Variants in ECE1 observed in about 807,000 individuals in gnomAD.
The protein encoded by ECE1 is endothelin converting enzyme 1, also known as endothelin-converting enzyme 1.
Under a neutral mutation model 98.6 loss-of-function variants are expected in ECE1, and 35 were observed. The observed-to-expected ratio is 0.35, with a 90% confidence interval of 0.27 to 0.47. ECE1 has a LOEUF of 0.47. Ranked by LOEUF, ECE1 falls within the 20% of genes least tolerant of loss-of-function variation. ECE1 has a pLI of 1.00. For missense variants in ECE1, 814 were observed against 1,025.3 expected, an observed-to-expected ratio of 0.79 and a Z score of 2.81; for synonymous variants, 394 against 407.1, an observed-to-expected ratio of 0.97 and a Z score of 0.39.
intron 4 of ECE1, among the ~76,000 whole-genome samples, chr1:21,272,437 G>A (rs142549331): frequency 8.5e-5 from 13 of 152,246 alleles, no homozygotes; most frequent in East Asian, 3.9e-4. Flanking sequence ...GACTACAGGC[G>A]CACGCCACCA....
chr1:21,285,037 A>G (rs1206838569), intron 2 of ECE1, among the ~76,000 whole-genome samples: 1 of 152,148 alleles, frequency 6.6e-6, no homozygotes, highest in Admixed American at 6.5e-5. Flanking sequence ...TAAAGTTTCC[A>G]TGAGGTGGCC....
At chr1:21,221,919 G>C in intron 17 of ECE1, 77 bp from the exon 18 acceptor site, 1 of 1,306,830 alleles carries the variant, frequency 7.7e-7, no homozygotes, top group Non-Finnish European at 1.1e-6. Flanking sequence ...GAGGTCTCAG[G>C]GAGCTCCCCC....
At chr1:21,251,834 T>A (rs2098213253) in intron 8 of ECE1, among the ~76,000 whole-genome samples, 1 of 152,208 alleles carries the variant, frequency 6.6e-6, no homozygotes. Context: ...CTGTGCCTCT[T>A]ATACCTGCTT....
At chr1:21,251,622 G>A (rs764737871) in intron 8 of ECE1, among the ~76,000 whole-genome samples, 15 of 152,216 alleles carry the variant, frequency 9.9e-5, no homozygotes, top group South Asian at 2.1e-4. Context: ...AGAGATGTGC[G>A]CAGCGGACTT....
chr1:21,335,874 A>C (rs1195317272), intron 1 of ECE1, among the ~76,000 whole-genome samples: 1 of 152,168 alleles, frequency 6.6e-6, no homozygotes, highest in Non-Finnish European at 1.5e-5. Flanking sequence ...AGGACTATGG[A>C]GGGGAAGGGA....
chr1:21,247,448 A>G, intron 8 of ECE1, 85 bp from the exon 9 acceptor site: 1 of 1,602,962 alleles, frequency 6.2e-7, no homozygotes, highest in South Asian at 1.1e-5. Context: ...ACAGGAAGCA[A>G]AGGAAAGAGC....
rs144897102 is a variant in ECE1, at chr1:21,251,248, A to C, written c.1021-3885T>G. Among the ~76,000 whole-genome samples, 698 of 152,262 alleles carry C rather than the reference A, an allele frequency of 4.6e-3. 2 individuals carry two copies. The highest frequency in any genetic ancestry group is 8.0e-3 in the Non-Finnish European group (544 of 68,016). ...ACAACTGCGCCGGGCACGGTGGCTC[A>C]TGCCTGTAAATCCCAGCACTTTGGG... On this transcript the variant is annotated intron_variant, in intron 8 of 18. Coordinates refer to ENST00000374893, the MANE Select transcript of ECE1 (RefSeq NM_001397.3).
chr1:21,261,320 T>C (rs1279530446), intron 4 of ECE1, among the ~76,000 whole-genome samples: 6 of 152,142 alleles, frequency 3.9e-5, no homozygotes, highest in Admixed American at 2.0e-4. Context: ...CCTTCAAAGA[T>C]CCCTCAAACC....
chr1:21,227,872 G>A (rs2098176318), intron 15 of ECE1, 59 bp downstream of exon 15: 1 of 1,362,238 alleles, frequency 7.3e-7, no homozygotes, highest in Admixed American at 2.0e-5. Context: ...TAGGTCGTAT[G>A]GGCCCCAGGG....
rs1573978980 is a variant in ECE1 at position 21,259,153 on chromosome 1, G to A, written c.616-314C>T. On this transcript the variant is annotated intron_variant, in intron 5 of 18. Transcript: ENST00000374893. ...CGGTTTATATTTTGGATAATGAATT[G>A]TGTGAATGTGATTATATCAAAACAT... is the stretch of plus-strand genomic sequence containing the variant. 2.0e-5 allele frequency among the ~76,000 whole-genome samples: 3 copies of A among 152,310 alleles called. No individual in the cohort carries two copies. In the East Asian group the frequency reaches 5.8e-4, roughly 29 times the overall value.
At chr1:21,342,738 G>A (rs997110971) in intron 1 of ECE1, among the ~76,000 whole-genome samples, 2 of 152,124 alleles carry the variant, frequency 1.3e-5, no homozygotes, top group Non-Finnish European at 2.9e-5. Flanking sequence ...TTTAAAAGCC[G>A]CGGAGCAGGA....
chr1:21,296,778 G>A (rs1437796135), intron 1 of ECE1, among the ~76,000 whole-genome samples: 4 of 152,158 alleles, frequency 2.6e-5, no homozygotes, highest in Admixed American at 6.5e-5. Flanking sequence ...CCTCCTACCC[G>A]GGGCCTGGCT....
intron 1 of ECE1, among the ~76,000 whole-genome samples, chr1:21,301,819 CTG>C (rs1638489925): frequency 1.7e-5 from 2 of 119,166 alleles, no homozygotes; most frequent in African/African-American, 6.5e-5. Flanking sequence ...GAGTGAGACC[CTG>C]TCTCAGAAAA....
intron 10 of ECE1, among the ~76,000 whole-genome samples, chr1:21,239,571 T>C (rs1042576297): frequency 6.6e-6 from 1 of 152,162 alleles, no homozygotes; most frequent in South Asian, 2.1e-4. Context: ...TACTGATATA[T>C]ACGACAGCAT....
At chr1:21,300,768 CT>C (rs1228407229) in intron 1 of ECE1, among the ~76,000 whole-genome samples, 1 of 151,990 alleles carries the variant, frequency 6.6e-6, no homozygotes, top group Non-Finnish European at 1.5e-5. Flanking sequence ...TTCTGGTAGA[CT>C]TTTTTTTCTT....
rs1300544203 is a variant in ECE1 at position 21,235,065 on chromosome 1, G to A, written c.1566+785C>T. On this transcript the variant is annotated intron_variant, in intron 13 of 18. Coordinates refer to ENST00000374893, the MANE Select transcript of ECE1 (RefSeq NM_001397.3). The surrounding 1 kb of genome is among the most constrained non-coding windows in gnomAD (Gnocchi z 4.2). ...GCTGGGCATGGTGGCTCATGAATAT[G>A]AGCCAGCCTGGGAGGCGGAGGTTGC... 6.6e-6 allele frequency among the ~76,000 whole-genome samples: 1 copy of A among 152,162 alleles called. No homozygotes were observed. The highest frequency in any genetic ancestry group is 6.5e-5 in the Admixed American group (1 of 15,274).
At chr1:21,314,340 C>T (rs1638789124) in intron 1 of ECE1, among the ~76,000 whole-genome samples, 1 of 152,242 alleles carries the variant, frequency 6.6e-6, no homozygotes, top group Non-Finnish European at 1.5e-5. Context: ...CCTCCCGGGC[C>T]CCCAAATTCC....
chr1:21,337,757 A>C (rs2103418555), intron 1 of ECE1, among the ~76,000 whole-genome samples: 1 of 152,266 alleles, frequency 6.6e-6, no homozygotes, highest in African/African-American at 2.4e-5. Context: ...CATATTAGAG[A>C]CAGGAGAATA....
intron 1 of ECE1, among the ~76,000 whole-genome samples, chr1:21,339,004 G>C (rs1639352692): frequency 6.6e-6 from 1 of 152,138 alleles, no homozygotes; most frequent in Non-Finnish European, 1.5e-5. Flanking sequence ...CCTGCTTAGA[G>C]GGCTATGTGG....
Sources: allele counts gnomAD v4.1 joint callset (sites outside exome capture counted in the v4.1 genomes callset), GRCh38; gene constraint gnomAD v4.1.1; non-coding constraint Gnocchi (gnomAD v3.1); transcripts MANE v1.5; gene names NCBI Gene and HGNC (gene_info 2026-07-23, HGNC 2026-07-21).